PKP4: variants seen among roughly 807,000 people sequenced by gnomAD.
PKP4 encodes plakophilin-4.
A neutral mutation model predicts 145.1 loss-of-function variants in PKP4; 90 were observed. The observed-to-expected ratio is 0.62, with a 90% confidence interval of 0.52 to 0.74. The LOEUF (loss-of-function observed/expected upper bound fraction) is 0.74. Among genes scored for constraint, PKP4 ranks in the 30% least tolerant of loss-of-function variants. The pLI is 0.00. For missense variants in PKP4, 1,340 were observed against 1,482.7 expected, an observed-to-expected ratio of 0.90 and a Z score of 1.58; for synonymous variants, 563 against 577.2, an observed-to-expected ratio of 0.98 and a Z score of 0.35.
intron 4 of PKP4, among the ~76,000 whole-genome samples, chr2:158,616,404 C>A (rs150298031): frequency 6.6e-6 from 1 of 152,278 alleles, no homozygotes; most frequent in African/African-American, 2.4e-5. Flanking sequence ...CCTTCGTAAG[C>A]CTGTGGTCCT....
At chr2:158,623,780 A>T (rs988114792) in intron 6 of PKP4, among the ~76,000 whole-genome samples, 2 of 152,146 alleles carry the variant, frequency 1.3e-5, no homozygotes, top group Non-Finnish European at 2.9e-5. Flanking sequence ...TGGGTTGATG[A>T]CAACTAGACT....
At chr2:158,628,126 G>A (rs780840403) in intron 7 of PKP4, among the ~76,000 whole-genome samples, 10 of 151,732 alleles carry the variant, frequency 6.6e-5, no homozygotes, top group Non-Finnish European at 1.2e-4. Context: ...GACTACAGGC[G>A]CCTGCCACCA....
intron 2 of PKP4, among the ~76,000 whole-genome samples, chr2:158,566,331 A>G (rs995119623): frequency 1.3e-5 from 2 of 152,146 alleles, no homozygotes; most frequent in African/African-American, 4.8e-5. Flanking sequence ...ACGTAGAGGA[A>G]GGAGAAAATT....
chr2:158,625,045 C>A lies in PKP4; in HGVS notation c.771C>A (p.Asn257Lys). 3 of 1,614,198 alleles carry A rather than the reference C, an allele frequency of 1.9e-6. No homozygotes were observed. Among genetic ancestry groups the A allele is most frequent in the Non-Finnish European group, 2.5e-6 (3 of 1,180,042 alleles). ...SPSVTDPRPL[N>K]PSAYSSTTLP... ...CAGTGACCGACCCCCGACCTCTGAA[C>A]CCCAGTGCATATTCCTCCACCACAT... Residue 257 changes from asparagine to lysine, a missense_variant, in exon 7 of 22, where the codon AAC becomes AAA. Physicochemically the swap from Asn to Lys is moderately conservative, Grantham distance 94. Coordinates refer to ENST00000389759, the MANE Select transcript of PKP4 (RefSeq NM_003628.6).
chr2:158,664,304 C>G (rs745437969), intron 15 of PKP4, among the ~76,000 whole-genome samples: 10 of 152,130 alleles, frequency 6.6e-5, no homozygotes, highest in Non-Finnish European at 1.2e-4. Flanking sequence ...TACAGACATG[C>G]CTGTGTCTAA....
At chr2:158,490,334 G>A (rs1371390385) in intron 1 of PKP4, among the ~76,000 whole-genome samples, 12 of 146,756 alleles carry the variant, frequency 8.2e-5, no homozygotes, top group African/African-American at 2.3e-4. Flanking sequence ...TAACAGACCT[G>A]GTCACCAAAT....
chr2:158,573,601 G>T (rs1244750028), intron 2 of PKP4, among the ~76,000 whole-genome samples: 2 of 149,170 alleles, frequency 1.3e-5, no homozygotes, highest in Non-Finnish European at 3.0e-5. Flanking sequence ...TTTTTGAAGT[G>T]TCTCACAATA....
intron 1 of PKP4, among the ~76,000 whole-genome samples, chr2:158,479,345 T>G (rs1481401936): frequency 6.6e-6 from 1 of 152,048 alleles, no homozygotes; most frequent in Non-Finnish European, 1.5e-5. Flanking sequence ...CACCTAAGCC[T>G]CTCGAGTAGC....
Position 158,563,224 on chromosome 2 carries a change from G to A in PKP4, c.133-14047G>A, listed in dbSNP as rs368202997. Among the ~76,000 whole-genome samples the A allele has an allele frequency of 1.4e-4, 22 of 152,094 alleles. 2 individuals carry two copies. The highest frequency in any genetic ancestry group is 1.2e-3 in the South Asian group (6 of 4,824). On this transcript the variant is annotated intron_variant, in intron 2 of 21. Coordinates refer to ENST00000389759, the MANE Select transcript of PKP4 (RefSeq NM_003628.6). ...AATTGGGATTGTAGTGTGGTTTTAC[G>A]TAAGCAAACAACTCTTACTCTATTT...
chr2:158,610,704 TCA>T (rs1318089286), intron 4 of PKP4, among the ~76,000 whole-genome samples: 2 of 152,164 alleles, frequency 1.3e-5, no homozygotes, highest in African/African-American at 4.8e-5. Context: ...AGTCACAATA[TCA>T]CAGTTTTTCT....
At chr2:158,610,232 G>C (rs566690831) in intron 4 of PKP4, among the ~76,000 whole-genome samples, 1 of 151,984 alleles carries the variant, frequency 6.6e-6, no homozygotes, top group African/African-American at 2.4e-5. Context: ...AAACATTTCC[G>C]AGGGAATGTT....
chr2:158,529,450 C>T (rs2043313073), intron 1 of PKP4, among the ~76,000 whole-genome samples: 1 of 152,226 alleles, frequency 6.6e-6, no homozygotes, highest in Non-Finnish European at 1.5e-5. Flanking sequence ...CACATCCTCC[C>T]TGTCCCCTTA....
intron 4 of PKP4, among the ~76,000 whole-genome samples, chr2:158,613,737 A>G (rs1207245921): frequency 6.6e-6 from 1 of 152,228 alleles, no homozygotes; most frequent in Non-Finnish European, 1.5e-5. Flanking sequence ...TGAAAGTTGT[A>G]ATGTGAAAGG....
intron 2 of PKP4, among the ~76,000 whole-genome samples, chr2:158,559,804 T>C (rs564809658): frequency 1.1e-4 from 17 of 152,090 alleles, no homozygotes; most frequent in Non-Finnish European, 1.9e-4. Context: ...ATTAAGACTT[T>C]GGGTTGCTTT....
At chr2:158,542,780 TACC>T (rs1313740124) in intron 2 of PKP4, among the ~76,000 whole-genome samples, 2 of 152,138 alleles carry the variant, frequency 1.3e-5, no homozygotes, top group Non-Finnish European at 2.9e-5. Context: ...TTACTACTAC[TACC>T]ACCACCACCA....
intron 10 of PKP4, 48 bp from the exon 11 acceptor site, chr2:158,642,438 A>G: frequency 7.3e-7 from 1 of 1,362,096 alleles, no homozygotes; most frequent in South Asian, 1.3e-5. Context: ...ATGATCACTG[A>G]TTAATTGCAT....
rs1171707543 is a variant in PKP4, at chr2:158,525,652, A to T, written c.-5-7528A>T. 2.5e-5 allele frequency among the ~76,000 whole-genome samples: 3 copies of T among 120,396 alleles called. 1 individual carries two copies. The highest frequency in any genetic ancestry group is 1.0e-4 in the African/African-American group (3 of 29,930). The allele number at this position is 120,396 out of a possible 152,430, so 79.0% of individuals were successfully genotyped here. A position where few individuals can be genotyped will look rare whatever the true frequency, so the allele number is the denominator to read the frequency against. On this transcript the variant is annotated intron_variant, in intron 1 of 21. Coordinates refer to ENST00000389759, the MANE Select transcript of PKP4 (RefSeq NM_003628.6). ...GAAAATCAGAGCAGAACTGAAGGAA[A>T]TAGAGACACAGAAAACCCTTCAAAA...
chr2:158,666,540 A>T lies in PKP4; in HGVS notation c.2705A>T (p.Asp902Val). 6.2e-7 allele frequency: 1 copy of T among 1,612,798 alleles called. No individual in the cohort carries two copies. The highest frequency in any genetic ancestry group is 8.5e-7 in the Non-Finnish European group (1 of 1,179,504). The change falls in exon 16 of 22, where the codon GAT becomes GTT. Residue 902 changes from aspartate (D) to valine (V), a missense_variant. Physicochemically the swap from Asp to Val is radical, Grantham distance 152 (BLOSUM62 -3). Coordinates refer to ENST00000389759, the MANE Select transcript of PKP4 (RefSeq NM_003628.6). ...ACAGCCTTGAGGAATATGGCACTAG[A>T]TGTTCGCAACAAGGAGCTCATAGGT... ...VATALRNMAL[D>V]VRNKELIGKY... is the part of the protein sequence containing the mutation.
intron 2 of PKP4, among the ~76,000 whole-genome samples, chr2:158,541,784 G>A (rs553934818): frequency 9.7e-4 from 148 of 152,036 alleles, no homozygotes; most frequent in African/African-American, 3.5e-3. Flanking sequence ...ATAAAGCAAC[G>A]CGGCATCAGT....
Sources: allele counts gnomAD v4.1 joint callset (sites outside exome capture counted in the v4.1 genomes callset), GRCh38; gene constraint gnomAD v4.1.1; transcripts MANE v1.5; gene names NCBI Gene and HGNC (gene_info 2026-07-23, HGNC 2026-07-21).